MTHFD2L: variants seen among roughly 807,000 people sequenced by gnomAD.
MTHFD2L encodes the protein bifunctional methylenetetrahydrofolate dehydrogenase/cyclohydrolase 2, mitochondrial.
Under a neutral mutation model 34.9 loss-of-function variants are expected in MTHFD2L, and 29 were observed. The ratio of observed to expected loss-of-function variants is 0.83; its 90% CI spans 0.62 to 1.13. MTHFD2L has a LOEUF of 1.13. Among genes scored for constraint, MTHFD2L ranks in the 50% most tolerant of loss-of-function variants. The probability of loss-of-function intolerance (pLI) is 0.00; values close to 1 mark genes in which losing one functional copy is unlikely to be tolerated. For synonymous variants in MTHFD2L, 167 were observed against 155.7 expected, an observed-to-expected ratio of 1.07 and a Z score of -0.54; for missense variants, 481 against 446.5, an observed-to-expected ratio of 1.08 and a Z score of -0.70.
chr4:74,157,875 C>T (rs1309063168), upstream of MTHFD2L: 1 of 646,160 alleles, frequency 1.5e-6, no homozygotes, highest in Non-Finnish European at 2.9e-6. Flanking sequence ...GCCCAGTCGC[C>T]AGGCCACACT....
intron 6 of MTHFD2L, among the ~76,000 whole-genome samples, chr4:74,280,942 T>C (rs1747377009): frequency 1.3e-5 from 2 of 152,056 alleles, no homozygotes; most frequent in Admixed American, 6.6e-5. Context: ...CTGGGGAATA[T>C]GAATTATTAT....
At chr4:74,265,251 G>A (rs1745143226) in intron 6 of MTHFD2L, among the ~76,000 whole-genome samples, 1 of 152,134 alleles carries the variant, frequency 6.6e-6, no homozygotes, top group South Asian at 2.1e-4. Flanking sequence ...GCTTATTTAT[G>A]TGTCTGCAAG....
intron 6 of MTHFD2L, among the ~76,000 whole-genome samples, chr4:74,279,182 T>C (rs1001015610): frequency 5.3e-5 from 8 of 152,032 alleles, no homozygotes; most frequent in African/African-American, 1.9e-4. Flanking sequence ...TACAATTAAT[T>C]AGTTCATATG....
rs78505135 is a variant in MTHFD2L at position 74,128,177 on chromosome 4, A to T, written c.-297+2660A>T. On this transcript the variant is annotated intron_variant, in intron 1 of 7. Transcript: ENST00000433372. ...CTTGTGAAATGGATAGTTTATAAAA[A>T]TTTTCTCCCATTCTGTCTCTTTACT... Among the ~76,000 whole-genome samples the T allele has an allele frequency of 6.0e-3, 909 of 151,800 alleles. 10 individuals carry two copies. Among genetic ancestry groups the T allele is most frequent in the African/African-American group, 0.021 (859 of 41,444 alleles).
chr4:74,298,976 A>G (rs2110332491), intron 7 of MTHFD2L, among the ~76,000 whole-genome samples: 1 of 152,142 alleles, frequency 6.6e-6, no homozygotes, highest in Admixed American at 6.6e-5. Context: ...ATCTATTAAA[A>G]TGAAATAATT....
chr4:74,249,113 T>C (rs1269997906), intron 6 of MTHFD2L, among the ~76,000 whole-genome samples: 1 of 151,456 alleles, frequency 6.6e-6, no homozygotes, highest in African/African-American at 2.4e-5. Flanking sequence ...TGTGTGGGAG[T>C]CTAAGTCTCT....
At chr4:74,149,754 T>C (rs1355575927) in intron 1 of MTHFD2L, among the ~76,000 whole-genome samples, 1 of 152,218 alleles carries the variant, frequency 6.6e-6, no homozygotes, top group Non-Finnish European at 1.5e-5. Context: ...CTTGTTGTTA[T>C]GCTTCATAAT....
At chr4:74,146,517 C>A (rs1021833879) in intron 1 of MTHFD2L, among the ~76,000 whole-genome samples, 1 of 152,150 alleles carries the variant, frequency 6.6e-6, no homozygotes, top group Non-Finnish European at 1.5e-5. Flanking sequence ...AATCCCCATG[C>A]CCCTCTTCCC....
At position 74,272,200 on chromosome 4, in the gene MTHFD2L, T is replaced by C. The variant is rs553311510; in HGVS notation, c.806-9225T>C. On this transcript the variant is annotated intron_variant, in intron 6 of 7. Coordinates refer to ENST00000325278, the MANE Select transcript of MTHFD2L (RefSeq NM_001144978.3). ...ACATCATTTAATCTGGCAACTCCCC[T>C]TTCAGAGTATCAAATTAACAGGTGT... 7.2e-5 allele frequency among the ~76,000 whole-genome samples: 11 copies of C among 152,284 alleles called. No individual in the cohort carries two copies. The South Asian group carries it at 2.3e-3, about 32-fold the overall frequency.
intron 6 of MTHFD2L, among the ~76,000 whole-genome samples, chr4:74,250,145 T>A (rs912876875): frequency 1.3e-5 from 2 of 152,226 alleles, no homozygotes; most frequent in Non-Finnish European, 2.9e-5. Flanking sequence ...TCTTTTCACG[T>A]AGTCCCATAT....
upstream of MTHFD2L, chr4:74,158,104 T>C: frequency 6.5e-7 from 1 of 1,531,094 alleles, no homozygotes; most frequent in South Asian, 1.2e-5. Flanking sequence ...TCGCGGGAGG[T>C]GGAGCCCCAG....
chr4:74,204,872 G>A (rs957102964), intron 5 of MTHFD2L, among the ~76,000 whole-genome samples: 1 of 152,056 alleles, frequency 6.6e-6, no homozygotes, highest in South Asian at 2.1e-4. Context: ...CAAATTGATG[G>A]TGGCAGTGAC....
upstream of MTHFD2L, among the ~76,000 whole-genome samples, chr4:74,124,534 A>T (rs1721941878): frequency 6.6e-6 from 1 of 151,814 alleles, no homozygotes; most frequent in Non-Finnish European, 1.5e-5. Flanking sequence ...GTCAGTGAGA[A>T]TCATTTTGAA....
intron 1 of MTHFD2L, among the ~76,000 whole-genome samples, chr4:74,133,872 A>C (rs1722723146): frequency 6.6e-6 from 1 of 152,102 alleles, no homozygotes. Context: ...AAAGAAATAC[A>C]CAGCAGCAAG....
Position 74,281,456 on chromosome 4 carries a change from T to G in MTHFD2L, c.837T>G (p.Val279=), listed in dbSNP as rs769473549. 33 of 1,612,630 alleles carry G rather than the reference T, an allele frequency of 2.0e-5. No individual in the cohort carries two copies. The South Asian group carries it at 3.6e-4, about 18-fold the overall frequency. Residue 279 remains valine (V), a synonymous_variant, in exon 7 of 8, where the codon GTT becomes GTG. Transcript: ENST00000325278. ...CAAAGTTGATTACGTCTGATATGGT[T>G]AAAGAAGGTGCTGCTGTAATTGATG... ...GIPKLITSDM[V]KEGAAVIDVG...
At chr4:74,192,719 A>G (rs535753) in intron 3 of MTHFD2L, among the ~76,000 whole-genome samples, 24,393 of 152,096 alleles carry the variant, frequency 0.16, 4,486 homozygotes, top group African/African-American at 0.44. Flanking sequence ...CCATTTCAAT[A>G]TCTTACTTTG....
chr4:74,176,437 G>A (rs1729051699), intron 3 of MTHFD2L, among the ~76,000 whole-genome samples: 1 of 151,900 alleles, frequency 6.6e-6, no homozygotes, highest in South Asian at 2.1e-4. Flanking sequence ...ATCACATTTT[G>A]TTTCTTTGCT....
intron 3 of MTHFD2L, among the ~76,000 whole-genome samples, chr4:74,185,666 G>C (rs944712338): frequency 1.3e-5 from 2 of 151,956 alleles, no homozygotes; most frequent in African/African-American, 4.8e-5. Context: ...ATCCCAATTT[G>C]ACAAGTTAAA....
chr4:74,201,403 C>T (rs542352074), intron 5 of MTHFD2L, 33 bp downstream of exon 5: 9 of 1,473,092 alleles, frequency 6.1e-6, no homozygotes, highest in South Asian at 3.5e-5. Flanking sequence ...TACACTCTCT[C>T]GCAGTATTCT....
Sources: gnomAD v4.1 joint callset for allele counts (sites outside exome capture counted in the v4.1 genomes callset) on GRCh38, gnomAD v4.1.1 for gene constraint, MANE v1.5 for transcripts, NCBI Gene and HGNC (gene_info 2026-07-23, HGNC 2026-07-21) for gene names.